ADCY3: variants seen among roughly 807,000 people sequenced by gnomAD.
ADCY3 encodes the protein adenylate cyclase 3.
Under a neutral mutation model 119.4 loss-of-function variants are expected in ADCY3, and 70 were observed. The observed-to-expected ratio is 0.59, with a 90% CI of 0.48 to 0.72. The LOEUF (loss-of-function observed/expected upper bound fraction) is 0.72, where lower values mean the gene tolerates loss of function less well. Ranked by LOEUF, ADCY3 falls within the 30% of genes least tolerant of loss-of-function variation. ADCY3 has a pLI of 0.00. For missense variants in ADCY3, 1,238 were observed against 1,541.6 expected, an observed-to-expected ratio of 0.80 and a Z score of 3.30; for synonymous variants, 672 against 621.4, an observed-to-expected ratio of 1.08 and a Z score of -1.21.
chr2:24,895,957 A>AT lies in ADCY3; in HGVS notation c.675+22355dup, dbSNP rs1245446259. 5.9e-5 allele frequency among the ~76,000 whole-genome samples: 9 copies of AT among 152,040 alleles called. 1 individual carries two copies. The highest frequency in any genetic ancestry group is 2.2e-4 in the African/African-American group (9 of 41,372). ...ATTAATCCTATCTACCTAGCTTTTC[A>AT]TTTTTGATTTTGTAGTTGATATTTT... On this transcript the variant is annotated intron_variant, in intron 2 of 21. Transcript: ENST00000679454.
chr2:24,839,275 C>G (rs1250082824), intron 7 of ADCY3, among the ~76,000 whole-genome samples: 1 of 152,154 alleles, frequency 6.6e-6, no homozygotes, highest in African/African-American at 2.4e-5. Context: ...AGTTGCAACC[C>G]CTGCTGCCAA....
rs546372510 is a variant in ADCY3 at position 24,919,653 on chromosome 2, C to G, written c.-198+30G>C. 1.3e-5 allele frequency: 2 copies of G among 152,604 alleles called. No homozygotes were observed. The highest frequency in any genetic ancestry group is 2.4e-5 in the African/African-American group (1 of 41,594). The allele number at this position is 152,604 out of a possible 1,614,324, so 9.5% of individuals were successfully genotyped here. A position where few individuals can be genotyped will look rare whatever the true frequency, so the allele number is the denominator to read the frequency against. ...CACGCTCGGGGCGCTGTCTTCCCCC[C>G]CGGAAGCCTGGCCCTGCCCCTGCGT... On this transcript the variant is annotated intron_variant, in intron 1 of 21. Coordinates refer to ENST00000679454, the MANE Select transcript of ADCY3 (RefSeq NM_004036.5). This position sits in a 1 kb window ranked among gnomAD's most constrained non-coding sequence, Gnocchi z 5.5.
rs1053385176 is a variant in ADCY3, at chr2:24,842,150, C to A, written c.956+104G>T. 5.9e-6 allele frequency: 9 copies of A among 1,526,768 alleles called. No homozygotes were observed. The highest frequency in any genetic ancestry group is 1.2e-5 in the South Asian group (1 of 83,752). The allele number at this position is 1,526,768 out of a possible 1,614,324, so 94.6% of individuals were successfully genotyped here. A position where few individuals can be genotyped will look rare whatever the true frequency, so the allele number is the denominator to read the frequency against. Reference sequence around the variant, plus strand: ...TGCTGTGGGAGGCCTTGCTTCTAGTCCCTGGAAAACCTCTTGAAGCCCACA... The same window carrying A: ...TGCTGTGGGAGGCCTTGCTTCTAGTACCTGGAAAACCTCTTGAAGCCCACA... On this transcript the variant is annotated intron_variant, in intron 4 of 21. Coordinates refer to ENST00000679454, the MANE Select transcript of ADCY3 (RefSeq NM_004036.5). This position sits in a 1 kb window ranked among gnomAD's most constrained non-coding sequence, Gnocchi z 4.9.
intron 2 of ADCY3, among the ~76,000 whole-genome samples, chr2:24,911,000 C>T (rs1335440652): frequency 6.6e-6 from 1 of 151,958 alleles, no homozygotes; most frequent in Non-Finnish European, 1.5e-5. Flanking sequence ...CTATGCTGTC[C>T]TATAATGTAA....
intron 20 of ADCY3, chr2:24,821,238 G>A: frequency 2.2e-6 from 1 of 462,758 alleles, no homozygotes; most frequent in South Asian, 3.0e-5. Flanking sequence ...AACCCCTCTG[G>A]AAATGGATCA....
chr2:24,905,722 C>A (rs1301565974), intron 2 of ADCY3, among the ~76,000 whole-genome samples: 1 of 152,174 alleles, frequency 6.6e-6, no homozygotes, highest in Non-Finnish European at 1.5e-5. Flanking sequence ...ATAATCATCA[C>A]AATGACAGTG....
intron 2 of ADCY3, among the ~76,000 whole-genome samples, chr2:24,895,370 A>AG (rs1161001881): frequency 2.3e-4 from 35 of 152,210 alleles, no homozygotes; most frequent in African/African-American, 8.4e-4. Flanking sequence ...TACAGGCATG[A>AG]GCCACCACGC....
In ADCY3 at chr2:24,834,630, T is replaced by G. The variant is rs763042355; in HGVS notation, c.1822A>C (p.Thr608Pro). ...ESAQVVKKRN[T>P]FLLSMRFMDP... is the part of the protein sequence containing the mutation. ...ATGAACCGCATGGACAAGAGGAAGG[T>G]GTTTCTCTTCTTTACTCTGCAGTGG... Residue 608 changes from threonine (T) to proline (P), a missense_variant, in exon 11 of 22, where the codon ACC becomes CCC. Thr to Pro is a conservative substitution (Grantham distance 38). Around this residue, in one of 7 missense-constraint regions of ADCY3, gnomAD observed 499 missense variants for 571.0 expected, o/e 0.87. Coordinates refer to ENST00000679454, the MANE Select transcript of ADCY3 (RefSeq NM_004036.5). This position sits in a 1 kb window ranked among gnomAD's most constrained non-coding sequence, Gnocchi z 4.2. 3 of 1,613,904 alleles carry G rather than the reference T, an allele frequency of 1.9e-6. No individual in the cohort carries two copies. The highest frequency in any genetic ancestry group is 2.5e-6 in the Non-Finnish European group (3 of 1,179,948).
rs933603912 is a variant in ADCY3, at chr2:24,841,100, G to A, written c.1196+159C>T. The stretch of plus-strand genomic sequence containing the variant: ...AGCCACATCCCAGCTTCTAGAGCGG[G>A]AGCCTGCGCCACCCATCAACCAGTG... On this transcript the variant is annotated intron_variant, in intron 6 of 21. Transcript: ENST00000679454. The surrounding 1 kb of genome is among the most constrained non-coding windows in gnomAD (Gnocchi z 5.8). Among the ~76,000 whole-genome samples the A allele has an allele frequency of 2.1e-4, 32 of 152,344 alleles. No homozygotes were observed. Among genetic ancestry groups the A allele is most frequent in the African/African-American group, 7.5e-4 (31 of 41,582 alleles).
intron 2 of ADCY3, among the ~76,000 whole-genome samples, chr2:24,879,525 C>T (rs1336917732): frequency 6.6e-6 from 1 of 151,404 alleles, no homozygotes; most frequent in African/African-American, 2.4e-5. Flanking sequence ...CAAAATACCC[C>T]TTTCATGACT....
Position 24,834,829 on chromosome 2 carries a change from G to A in ADCY3, c.1770C>T (p.Leu590=). The A allele has an allele frequency of 1.9e-6, 3 of 1,613,902 alleles. No homozygotes were observed. The highest frequency in any genetic ancestry group is 2.5e-6 in the Non-Finnish European group (3 of 1,180,004). Reference sequence around the variant, plus strand: ...ACTCTCGCTCAAGCAGGGCCTCGTTGAGCAGCTGGTTGAGCTCGTGCTCAT... The same window carrying A: ...ACTCTCGCTCAAGCAGGGCCTCGTTAAGCAGCTGGTTGAGCTCGTGCTCAT... The part of the protein sequence containing the change: ...SEDEHELNQL[L]NEALLERESA... The change falls in exon 10 of 22, where the codon CTC becomes CTT. Residue 590 remains leucine (L), a synonymous_variant. Transcript: ENST00000679454. The surrounding 1 kb of genome is among the most constrained non-coding windows in gnomAD (Gnocchi z 4.2).
At chr2:24,854,067 C>T (rs576226913) in intron 3 of ADCY3, among the ~76,000 whole-genome samples, 2 of 152,260 alleles carry the variant, frequency 1.3e-5, no homozygotes, top group South Asian at 4.1e-4. Context: ...CAGGACTGCA[C>T]CTGTTCAGGC....
intron 3 of ADCY3, among the ~76,000 whole-genome samples, chr2:24,856,790 G>A (rs1673049646): frequency 6.6e-6 from 1 of 152,202 alleles, no homozygotes; most frequent in African/African-American, 2.4e-5. Flanking sequence ...GAAGGTCAAA[G>A]GTAAACAGTA....
chr2:24,849,471 G>A (rs1235379116), intron 3 of ADCY3, among the ~76,000 whole-genome samples: 1 of 152,218 alleles, frequency 6.6e-6, no homozygotes, highest in Non-Finnish European at 1.5e-5. Flanking sequence ...GGTGGGACAG[G>A]GGGAATTTCC....
At chr2:24,886,117 C>T (rs919373555) in intron 2 of ADCY3, among the ~76,000 whole-genome samples, 7 of 152,250 alleles carry the variant, frequency 4.6e-5, no homozygotes, top group African/African-American at 1.7e-4. Flanking sequence ...CCACCTGTTT[C>T]AGTGTAAGTG....
chr2:24,893,043 T>C (rs1453734658), intron 2 of ADCY3, among the ~76,000 whole-genome samples: 8 of 150,100 alleles, frequency 5.3e-5, no homozygotes, highest in African/African-American at 2.4e-5. Flanking sequence ...TTTTTTTTTT[T>C]TTTTTTTTGA....
chr2:24,827,218 C>T (rs1040294668), intron 15 of ADCY3, among the ~76,000 whole-genome samples: 3 of 152,220 alleles, frequency 2.0e-5, no homozygotes, highest in East Asian at 1.9e-4. Flanking sequence ...TGGAAACGGA[C>T]CTGCCTGTGA....
chr2:24,918,949 C>T lies in ADCY3; in HGVS notation c.39G>A (p.Ser13=), dbSNP rs377377499. The T allele has an allele frequency of 6.2e-7, 1 of 1,607,100 alleles. No individual in the cohort carries two copies. The highest frequency in any genetic ancestry group is 1.1e-5 in the South Asian group (1 of 90,650). Residue 13 remains serine, a synonymous_variant, in exon 2 of 22, where the codon TCG becomes TCA. Coordinates refer to ENST00000679454, the MANE Select transcript of ADCY3 (RefSeq NM_004036.5). The surrounding 1 kb of genome is among the most constrained non-coding windows in gnomAD (Gnocchi z 5.4). ...CGGAGTACTCGGCTGAGTACTCGGC[C>T]GAGTATTCGGGCTCGGAGAAGCCCT... ...RNQGFSEPEY[S]AEYSAEYSVS...
chr2:24,887,606 GACC>G (rs901145381), intron 2 of ADCY3, among the ~76,000 whole-genome samples: 30 of 151,794 alleles, frequency 2.0e-4, no homozygotes, highest in African/African-American at 5.6e-4. Flanking sequence ...GGGCCCCCAT[GACC>G]ACGTGTCCCA....
Sources: allele counts gnomAD v4.1 joint callset (sites outside exome capture counted in the v4.1 genomes callset), GRCh38; gene constraint gnomAD v4.1.1; regional missense constraint gnomAD v4.1.1; non-coding constraint Gnocchi (gnomAD v3.1); transcripts MANE v1.5; gene names NCBI Gene and HGNC (gene_info 2026-07-23, HGNC 2026-07-21).